The following TARS3 variants were observed in gnomAD, a reference collection of about 807,000 sequenced individuals.
TARS3 encodes threonyl-tRNA synthetase 3.
A neutral mutation model predicts 103.5 loss-of-function variants in TARS3; 94 were observed. The observed-to-expected ratio is 0.91, with a 90% CI of 0.77 to 1.08. The LOEUF (loss-of-function observed/expected upper bound fraction) is 1.08. Among genes scored for constraint, TARS3 ranks in the 50% least tolerant of loss-of-function variants. TARS3 has a pLI of 0.00. For synonymous variants in TARS3, 416 were observed against 355.4 expected (o/e 1.17, Z -1.92); for missense variants, 952 against 995.2 (o/e 0.96, Z 0.58).
chr15:101,717,146 C>T (rs560045633), intron 3 of TARS3, among the ~76,000 whole-genome samples: 165 of 152,270 alleles, frequency 1.1e-3, no homozygotes, highest in African/African-American at 3.5e-3. Context: ...TGTGAGCCAC[C>T]GTGCCCAGCC....
rs568274227 is a variant in TARS3, at chr15:101,723,490, C to T, written c.298-326G>A. On this transcript the variant is annotated intron_variant, in intron 1 of 18. Coordinates refer to ENST00000335968, the MANE Select transcript of TARS3 (RefSeq NM_152334.3). ...TCCTGAAGATGTTGCTAGTTCACCG[C>T]AGCTGTCCTTCCTAAAGGACTGCAG... is the stretch of plus-strand genomic sequence containing the variant. 2.6e-5 allele frequency among the ~76,000 whole-genome samples: 4 copies of T among 152,336 alleles called. No homozygotes were observed. The East Asian group carries it at 7.7e-4, about 29-fold the overall frequency.
At chr15:101,695,612 T>C (rs924092761) in intron 10 of TARS3, 3 of 152,172 alleles carry the variant, frequency 2.0e-5, no homozygotes, top group Non-Finnish European at 4.4e-5. Flanking sequence ...TTGGGATAAT[T>C]AGAAGTGGGG....
At chr15:101,700,736 C>T (rs538060106) in intron 10 of TARS3, among the ~76,000 whole-genome samples, 27 of 151,934 alleles carry the variant, frequency 1.8e-4, no homozygotes, top group African/African-American at 4.8e-4. Flanking sequence ...CTCTGCCTCC[C>T]GGGTTCAAGC....
At chr15:101,690,657 T>C in intron 10 of TARS3, among the ~76,000 whole-genome samples, 1 of 152,244 alleles carries the variant, frequency 6.6e-6, no homozygotes, top group Admixed American at 6.5e-5. Context: ...ACTAACTGCA[T>C]AGTGCTTTAT....
intron 10 of TARS3, among the ~76,000 whole-genome samples, chr15:101,693,169 C>A (rs1898804365): frequency 1.3e-5 from 2 of 152,056 alleles, no homozygotes; most frequent in African/African-American, 4.8e-5. Flanking sequence ...TTAAATTTAC[C>A]ATATCTATTC....
intron 12 of TARS3, among the ~76,000 whole-genome samples, chr15:101,677,031 T>C (rs1596297216): frequency 1.3e-5 from 2 of 152,298 alleles, no homozygotes; most frequent in South Asian, 2.1e-4. Context: ...CATTGTTCAG[T>C]TCCCACTTAT....
chr15:101,707,114 A>T (rs1471925471), intron 6 of TARS3, among the ~76,000 whole-genome samples: 1 of 152,206 alleles, frequency 6.6e-6, no homozygotes, highest in Non-Finnish European at 1.5e-5. Context: ...GAGAAATGCA[A>T]GTCAAAACAA....
At chr15:101,684,656 A>G (rs1898393276) in intron 11 of TARS3, among the ~76,000 whole-genome samples, 1 of 152,172 alleles carries the variant, frequency 6.6e-6, no homozygotes, top group Non-Finnish European at 1.5e-5. Flanking sequence ...GTCTACATGC[A>G]TGGCCCTGCC....
intron 2 of TARS3, among the ~76,000 whole-genome samples, chr15:101,722,137 T>TAGGA (rs1900498274): frequency 6.6e-6 from 1 of 151,860 alleles, no homozygotes; most frequent in Non-Finnish European, 1.5e-5. Flanking sequence ...GGCTCCTCTC[T>TAGGA]GCCTATCTAA....
chr15:101,663,797 T>C lies in TARS3; in HGVS notation c.1968-1981A>G, dbSNP rs568240379. On this transcript the variant is annotated intron_variant, in intron 15 of 18. Transcript: ENST00000335968. ...ATGTATTTGTAATCCCAGAATAATT[T>C]TGAGTAACAATACAAATAGTAGTCA... Among the ~76,000 whole-genome samples, 167 of 152,342 alleles carry C rather than the reference T, an allele frequency of 1.1e-3. 1 individual carries two copies. The highest frequency in any genetic ancestry group is 1.5e-3 in the East Asian group (8 of 5,188).
intron 6 of TARS3, among the ~76,000 whole-genome samples, chr15:101,708,143 G>A (rs939445969): frequency 6.6e-6 from 1 of 150,950 alleles, no homozygotes; most frequent in Non-Finnish European, 1.5e-5. Flanking sequence ...CTGAGGGACT[G>A]AGACACGAGA....
In TARS3 at chr15:101,714,944, T is replaced by A. The variant is rs1162673889; in HGVS notation, c.586A>T (p.Thr196Ser). The A allele has an allele frequency of 6.2e-7, 1 of 1,610,706 alleles. No individual in the cohort carries two copies. Among genetic ancestry groups the A allele is most frequent in the Non-Finnish European group, 8.5e-7 (1 of 1,178,098 alleles). ...AEISQELAES[T>S]VIAKVNGELW... is the part of the protein sequence containing the mutation. ...TCACCATTGACTTTGGCTATTACCGTGCTTTCAGCCAGTTCCTGACTAAGA... is the reference window on the plus strand; with the variant it reads ...TCACCATTGACTTTGGCTATTACCGAGCTTTCAGCCAGTTCCTGACTAAGA... The change falls in exon 4 of 19, where the codon ACG (threonine) becomes TCG (serine). Residue 196 changes from threonine to serine, a missense_variant. Physicochemically the swap from Thr to Ser is moderately conservative, Grantham distance 58 (BLOSUM62 1). Transcript: ENST00000335968.
intron 16 of TARS3, among the ~76,000 whole-genome samples, chr15:101,659,981 C>T (rs895085833): frequency 2.6e-5 from 4 of 152,160 alleles, no homozygotes; most frequent in African/African-American, 9.7e-5. Flanking sequence ...TGGTAGTATG[C>T]ATGGGTGTGA....
intron 5 of TARS3, among the ~76,000 whole-genome samples, chr15:101,711,553 A>C (rs1899867853): frequency 6.6e-6 from 1 of 152,208 alleles, no homozygotes; most frequent in Non-Finnish European, 1.5e-5. Context: ...ATGAATGGTA[A>C]ATACATTTTC....
chr15:101,660,561 C>T (rs1281043585), intron 16 of TARS3, among the ~76,000 whole-genome samples: 2 of 152,230 alleles, frequency 1.3e-5, no homozygotes, highest in Non-Finnish European at 2.9e-5. Flanking sequence ...GCAAAATCCA[C>T]AGTGAGTCTC....
chr15:101,665,289 G>A (rs943176470), intron 15 of TARS3, among the ~76,000 whole-genome samples: 1 of 152,162 alleles, frequency 6.6e-6, no homozygotes, highest in Non-Finnish European at 1.5e-5. Flanking sequence ...ACAATCGTGT[G>A]ACACATAAAG....
intron 15 of TARS3, among the ~76,000 whole-genome samples, chr15:101,662,587 GCC>G (rs1447552474): frequency 6.6e-6 from 1 of 152,192 alleles, no homozygotes; most frequent in Non-Finnish European, 1.5e-5. Context: ...TCTGCTAAGA[GCC>G]ATTATAGAAT....
At chr15:101,683,125 TTTC>T (rs775483193) in intron 12 of TARS3, among the ~76,000 whole-genome samples, 3 of 152,190 alleles carry the variant, frequency 2.0e-5, no homozygotes, top group Admixed American at 6.5e-5. Flanking sequence ...TGCTCTGCTC[TTTC>T]TTATTTTCTT....
intron 16 of TARS3, among the ~76,000 whole-genome samples, chr15:101,658,397 A>G (rs1030406590): frequency 2.1e-5 from 3 of 143,254 alleles, no homozygotes; most frequent in South Asian, 2.2e-4. Flanking sequence ...CCACTGAGTG[A>G]AAAAAAAAAA....
Sources: gnomAD v4.1 joint callset for allele counts (sites outside exome capture counted in the v4.1 genomes callset) on GRCh38, gnomAD v4.1.1 for gene constraint, MANE v1.5 for transcripts, NCBI Gene and HGNC (gene_info 2026-07-23, HGNC 2026-07-21) for gene names.